The following ANKRD11 variants were observed in gnomAD, a reference collection of about 807,000 sequenced individuals.
ANKRD11 encodes the protein ankyrin repeat domain 11, also known as ankyrin repeat domain-containing protein 11.
ANKRD11 carries 17 observed loss-of-function variants against 195.7 expected under a neutral mutation model. The observed-to-expected ratio is 0.09, with a 90% CI of 0.06 to 0.13. The LOEUF (loss-of-function observed/expected upper bound fraction) is 0.13, where lower values mean the gene tolerates loss of function less well. ANKRD11 is among the 10% of genes least tolerant of loss of function. The probability of loss-of-function intolerance (pLI) is 1.00; values close to 1 mark genes in which losing one functional copy is unlikely to be tolerated. For synonymous variants in ANKRD11, 1,953 were observed against 1,528.1 expected, an observed-to-expected ratio of 1.28 and a Z score of -6.49; for missense variants, 3,735 against 3,566.1, an observed-to-expected ratio of 1.05 and a Z score of -1.21.
At chr16:89,328,613 G>C (rs901683985) in intron 2 of ANKRD11, among the ~76,000 whole-genome samples, 2 of 150,472 alleles carry the variant, frequency 1.3e-5, no homozygotes, top group African/African-American at 4.9e-5. Context: ...AGAGGCCCCT[G>C]CTGAGTGAGT....
chr16:89,288,714 C>A (rs1424784625), intron 6 of ANKRD11, 44 bp from the exon 7 acceptor site: 1 of 1,613,572 alleles, frequency 6.2e-7, no homozygotes, highest in Non-Finnish European at 8.5e-7. Context: ...ATCCTCAGAA[C>A]TTCCCTCCTG....
At position 89,281,063 on chromosome 16, in the gene ANKRD11, G is replaced by A; in HGVS notation, c.5479C>T (p.Pro1827Ser). The change falls in exon 9 of 13, where the codon CCC (proline) becomes TCC (serine). Residue 1827 changes from proline (P) to serine (S), a missense_variant. By Grantham distance (74) the Pro-to-Ser change is moderately conservative. Coordinates refer to ENST00000301030, the MANE Select transcript of ANKRD11 (RefSeq NM_013275.6). The surrounding 1 kb of genome is among the most constrained non-coding windows in gnomAD (Gnocchi z 5.5). ...AGGGGCGCCCTGTCTTCCATCGAGGGTGGCATGGGAGAGTCGTAGCTGGAG... is the reference window on the plus strand; with the variant it reads ...AGGGGCGCCCTGTCTTCCATCGAGGATGGCATGGGAGAGTCGTAGCTGGAG... ...AASSYDSPMPPSMEDRAPLPP... is the reference protein window; with the variant it reads ...AASSYDSPMPSSMEDRAPLPP... 3 of 1,606,866 alleles carry A rather than the reference G, an allele frequency of 1.9e-6. No individual in the cohort carries two copies. The highest frequency in any genetic ancestry group is 2.6e-6 in the Non-Finnish European group (3 of 1,174,890).
chr16:89,282,337 T>A lies in ANKRD11; in HGVS notation c.4205A>T (p.Tyr1402Phe). 1 of 1,614,234 alleles carries A rather than the reference T, an allele frequency of 6.2e-7. No individual in the cohort carries two copies. Among genetic ancestry groups the A allele is most frequent in the Non-Finnish European group, 8.5e-7 (1 of 1,180,040 alleles). The change falls in exon 9 of 13, where the codon TAC becomes TTC. Residue 1402 changes from tyrosine (Y) to phenylalanine (F), a missense_variant. Tyr to Phe is a conservative substitution (Grantham distance 22). Transcript: ENST00000301030. ...YEKDFLEADA[Y>F]GVSYNMKADI... ...AGCTTTCATGTTGTAAGAAACTCCG[T>A]AAGCATCCGCCTCCAGGAAGTCCTT...
At chr16:89,382,384 G>A (rs2040698258) in intron 2 of ANKRD11, among the ~76,000 whole-genome samples, 1 of 151,948 alleles carries the variant, frequency 6.6e-6, no homozygotes, top group African/African-American at 2.4e-5. Context: ...GGAGGGCAAT[G>A]GTGCAATCTC....
At chr16:89,381,140 T>G (rs193249555) in intron 2 of ANKRD11, among the ~76,000 whole-genome samples, 1 of 152,034 alleles carries the variant, frequency 6.6e-6, no homozygotes, top group Non-Finnish European at 1.5e-5. Flanking sequence ...CCGGCCAACA[T>G]GGCGAAACCC....
chr16:89,446,296 G>C (rs1226217474), intron 1 of ANKRD11, among the ~76,000 whole-genome samples: 1 of 152,100 alleles, frequency 6.6e-6, no homozygotes, highest in Non-Finnish European at 1.5e-5. Flanking sequence ...TGTGACAGCT[G>C]CATCTAAACA....
chr16:89,364,999 G>A (rs1462005081), intron 2 of ANKRD11, among the ~76,000 whole-genome samples: 1 of 152,142 alleles, frequency 6.6e-6, no homozygotes, highest in Admixed American at 6.5e-5. Context: ...ATTCTAAGAC[G>A]CTTCCCAAGC....
chr16:89,309,735 C>A (rs1490610870), intron 3 of ANKRD11, among the ~76,000 whole-genome samples: 1 of 152,246 alleles, frequency 6.6e-6, no homozygotes, highest in Non-Finnish European at 1.5e-5. Flanking sequence ...TCCTCACCAG[C>A]ACAAGAGGAC....
At chr16:89,434,720 G>A (rs2043141267) in intron 1 of ANKRD11, among the ~76,000 whole-genome samples, 1 of 152,194 alleles carries the variant, frequency 6.6e-6, no homozygotes, top group Admixed American at 6.5e-5. Flanking sequence ...CACACACAAG[G>A]TCTCAGGACT....
chr16:89,433,315 ACAAG>A (rs2043077887), intron 1 of ANKRD11, among the ~76,000 whole-genome samples: 1 of 152,208 alleles, frequency 6.6e-6, no homozygotes, highest in Admixed American at 6.5e-5. Context: ...CTGCTAACCT[ACAAG>A]TTAATTAGTC....
chr16:89,380,365 G>A (rs1213485024), intron 2 of ANKRD11, among the ~76,000 whole-genome samples: 3 of 152,082 alleles, frequency 2.0e-5, no homozygotes, highest in African/African-American at 7.2e-5. Flanking sequence ...ACCCACCTCG[G>A]CCTCCCAAAG....
Position 89,288,517 on chromosome 16 carries a change from G to A in ANKRD11, c.744+11C>T. ...ACAGGCCGGATGTGTGAAGAACGGGGGGATGCCAACCTTGTAGTGCCCGTT... is the reference window on the plus strand; with the variant it reads ...ACAGGCCGGATGTGTGAAGAACGGGAGGATGCCAACCTTGTAGTGCCCGTT... On this transcript the variant is annotated intron_variant, in intron 7 of 12. Transcript: ENST00000301030. 1 of 1,614,132 alleles carries A rather than the reference G, an allele frequency of 6.2e-7. No homozygotes were observed. Among genetic ancestry groups the A allele is most frequent in the South Asian group, 1.1e-5 (1 of 91,084 alleles).
intron 1 of ANKRD11, among the ~76,000 whole-genome samples, chr16:89,432,998 TCACACA>T (rs142049824): frequency 3.6e-5 from 5 of 140,194 alleles, no homozygotes; most frequent in Admixed American, 1.4e-4. Flanking sequence ...CTCCTCTCTC[TCACACA>T]CACACACACA....
At chr16:89,300,476 C>T (rs2035781538) in intron 4 of ANKRD11, 1 of 210,104 alleles carries the variant, frequency 4.8e-6, no homozygotes, top group South Asian at 7.1e-5. Context: ...AGCCTGGCCC[C>T]TGCTGCACTC....
chr16:89,421,504 G>A lies in ANKRD11; in HGVS notation c.-144-3136C>T, dbSNP rs565521270. Among the ~76,000 whole-genome samples the A allele has an allele frequency of 6.5e-4, 73 of 112,452 alleles. 1 individual carries two copies. The highest frequency in any genetic ancestry group is 1.2e-3 in the Non-Finnish European group (68 of 57,388). The allele number at this position is 112,452 out of a possible 152,430, so 73.8% of individuals were successfully genotyped here. ...ATGTCTGGGGGTGGGGCTGAGACAC[G>A]AAGGGTCGGTGTGTGGTGACGGAGT... is the stretch of plus-strand genomic sequence containing the variant. On this transcript the variant is annotated intron_variant, in intron 1 of 12. Transcript: ENST00000301030.
intron 2 of ANKRD11, among the ~76,000 whole-genome samples, chr16:89,398,135 T>C (rs1251838478): frequency 6.6e-6 from 1 of 151,504 alleles, no homozygotes; most frequent in Non-Finnish European, 1.5e-5. Context: ...AGGGACACTG[T>C]GAAACAGCTG....
chr16:89,463,395 A>G (rs1179692772), intron 1 of ANKRD11, among the ~76,000 whole-genome samples: 1 of 152,206 alleles, frequency 6.6e-6, no homozygotes, highest in Non-Finnish European at 1.5e-5. Context: ...TCTCTGAAAC[A>G]TGTGCTGTGT....
intron 9 of ANKRD11, chr16:89,278,681 G>T (rs1423410579): frequency 2.1e-6 from 1 of 478,076 alleles, no homozygotes; most frequent in South Asian, 1.5e-5. Context: ...GGGTCCAAGG[G>T]AGAAGGGGGC....
chr16:89,456,171 C>T (rs781071596), intron 1 of ANKRD11, among the ~76,000 whole-genome samples: 12 of 150,478 alleles, frequency 8.0e-5, no homozygotes, highest in Non-Finnish European at 1.6e-4. Context: ...ACCCAGGAGG[C>T]GGATGTTGCA....
Sources: gnomAD v4.1 joint callset for allele counts (sites outside exome capture counted in the v4.1 genomes callset) on GRCh38, gnomAD v4.1.1 for gene constraint, Gnocchi (gnomAD v3.1) non-coding constraint, MANE v1.5 for transcripts, NCBI Gene and HGNC (gene_info 2026-07-23, HGNC 2026-07-21) for gene names.